The following IPP variants were observed in gnomAD, a reference collection of about 807,000 sequenced individuals.
IPP encodes actin-binding protein IPP.
Under a neutral mutation model 64.1 loss-of-function variants are expected in IPP, and 41 were observed. The observed-to-expected ratio is 0.64, with a 90% CI of 0.50 to 0.83. The LOEUF is 0.83. IPP is among the 40% of genes least tolerant of loss of function. The pLI, the probability that IPP is intolerant of heterozygous loss-of-function variation, is 0.00. For missense variants in IPP, 649 were observed against 703.0 expected (o/e 0.92, Z 0.87); for synonymous variants, 214 against 235.2 (o/e 0.91, Z 0.83).
At chr1:45,700,961 A>C (rs1464235039) in intron 8 of IPP, among the ~76,000 whole-genome samples, 3 of 152,234 alleles carry the variant, frequency 2.0e-5, no homozygotes, top group African/African-American at 7.2e-5. Context: ...AATTTATTTG[A>C]CCATGGAATC....
At chr1:45,728,126 C>CTGTGCGTGTG (rs1553191664) in intron 4 of IPP, among the ~76,000 whole-genome samples, 1 of 132,234 alleles carries the variant, frequency 7.6e-6, no homozygotes, top group African/African-American at 2.8e-5. Flanking sequence ...GAGTTGAAAG[C>CTGTGCGTGTG]TGTGTGTGTG....
chr1:45,696,572 G>A (rs1645389845), downstream of IPP, among the ~76,000 whole-genome samples: 1 of 152,184 alleles, frequency 6.6e-6, no homozygotes, highest in African/African-American at 2.4e-5. Context: ...CCTGAGGTCG[G>A]GAGTTCGAGT....
chr1:45,736,909 G>A (rs1446668465), intron 3 of IPP, among the ~76,000 whole-genome samples: 1 of 151,930 alleles, frequency 6.6e-6, no homozygotes, highest in Non-Finnish European at 1.5e-5. Context: ...CGGGCGTGGT[G>A]GCGGGCGCCC....
intron 1 of IPP, among the ~76,000 whole-genome samples, chr1:45,749,208 G>C (rs1646182177): frequency 6.6e-6 from 1 of 152,186 alleles, no homozygotes; most frequent in South Asian, 2.1e-4. Flanking sequence ...CTACAAGAAA[G>C]AGTTGACTGA....
chr1:45,720,247 G>C (rs2148561553), intron 5 of IPP, among the ~76,000 whole-genome samples: 1 of 152,018 alleles, frequency 6.6e-6, no homozygotes, highest in East Asian at 1.9e-4. Context: ...AGGTAATTTA[G>C]AATTTTAAAA....
intron 3 of IPP, among the ~76,000 whole-genome samples, chr1:45,735,621 A>ATTTTT (rs1160000550): frequency 2.4e-4 from 14 of 57,466 alleles, no homozygotes; most frequent in Admixed American, 4.8e-4. Context: ...AGACCTGGCT[A>ATTTTT]TTTTTTTTTT....
chr1:45,747,834 C>CAAAAAAAAAAAAAAAA, intron 1 of IPP, among the ~76,000 whole-genome samples: 1 of 39,280 alleles, frequency 2.5e-5, no homozygotes, highest in Non-Finnish European at 4.4e-5. Flanking sequence ...GACTCTGTCT[C>CAAAAAAAAAAAAAAAA]AAAAAAAAAA....
At chr1:45,721,408 G>A (rs536346062) in intron 5 of IPP, among the ~76,000 whole-genome samples, 51 of 152,258 alleles carry the variant, frequency 3.3e-4, no homozygotes, top group African/African-American at 1.2e-3. Context: ...AAAAACCTTG[G>A]GCACTATGTC....
chr1:45,717,069 T>C (rs1436563907), intron 6 of IPP, 52 bp from the exon 7 acceptor site: 60 of 1,563,578 alleles, frequency 3.8e-5, no homozygotes, highest in Non-Finnish European at 4.9e-5. Flanking sequence ...TTCTTATTTA[T>C]GACAAAGACC....
chr1:45,704,801 A>C (rs1461667529), intron 8 of IPP, among the ~76,000 whole-genome samples: 12 of 152,222 alleles, frequency 7.9e-5, no homozygotes, highest in Non-Finnish European at 8.8e-5. Flanking sequence ...AGACTAGCTG[A>C]AACAGGGAAG....
chr1:45,724,575 A>C (rs1480124953), intron 5 of IPP, among the ~76,000 whole-genome samples: 2 of 148,428 alleles, frequency 1.3e-5, no homozygotes, highest in African/African-American at 5.0e-5. Flanking sequence ...GGAAGTGAGG[A>C]GCGTCTCTGC....
At position 45,700,013 on chromosome 1, in the gene IPP, C is replaced by T; in HGVS notation, c.1708G>A (p.Gly570Ser). The T allele has an allele frequency of 6.2e-7, 1 of 1,614,076 alleles. No individual in the cohort carries two copies. The highest frequency in any genetic ancestry group is 1.3e-5 in the African/African-American group (1 of 75,008). Reference protein sequence around the residue: ...NPHSDTWTEIGNMITSRCEGG... With the variant: ...NPHSDTWTEISNMITSRCEGG... ...TCACAACGACTGGTGATCATGTTAC[C>T]AATTTCTGTCCATGTATCTGAATGA... The change falls in exon 9 of 9, where the codon GGT becomes AGT. Residue 570 changes from glycine (G) to serine (S), a missense_variant. Transcript: ENST00000396478.
rs574441812 is a variant in IPP, at chr1:45,722,042, C to T, written c.1049-2702G>A. Among the ~76,000 whole-genome samples the T allele has an allele frequency of 4.1e-4, 62 of 152,184 alleles. 1 individual carries two copies. The South Asian group carries it at 6.2e-3, about 15-fold the overall frequency. ...CGAGATCACGCCACTGCACTACAGC[C>T]TGGCACAGAGTGAGACTCCGTTTCA... On this transcript the variant is annotated intron_variant, in intron 5 of 8. Transcript: ENST00000396478.
chr1:45,714,713 T>C (rs1344043280), intron 7 of IPP, among the ~76,000 whole-genome samples: 4 of 152,194 alleles, frequency 2.6e-5, no homozygotes, highest in Non-Finnish European at 5.9e-5. Context: ...ATCTGTCAGC[T>C]AAGGATTTTC....
chr1:45,743,636 G>C (rs1315775283), intron 2 of IPP, among the ~76,000 whole-genome samples: 1 of 152,090 alleles, frequency 6.6e-6, no homozygotes, highest in Non-Finnish European at 1.5e-5. Flanking sequence ...AGGATAGCTT[G>C]AGCCCTGGAG....
At chr1:45,731,134 G>T (rs1174035828) in intron 3 of IPP, among the ~76,000 whole-genome samples, 4 of 152,218 alleles carry the variant, frequency 2.6e-5, no homozygotes, top group African/African-American at 9.6e-5. Flanking sequence ...CCACCCTCAT[G>T]CCTCAGGCTA....
At chr1:45,723,967 T>TCCCCCC (rs1645766776) in intron 5 of IPP, among the ~76,000 whole-genome samples, 1 of 139,360 alleles carries the variant, frequency 7.2e-6, no homozygotes, top group Non-Finnish European at 1.6e-5. Context: ...TTCCTCTCCC[T>TCCCCCC]CTCCCCCTCC....
chr1:45,725,077 CCCCCGCCCGGCCAGCCG>C (rs1645796753), intron 5 of IPP, among the ~76,000 whole-genome samples: 2 of 146,498 alleles, frequency 1.4e-5, no homozygotes, highest in African/African-American at 5.0e-5. Context: ...GGGGGTCAGC[CCCCCGCCCGGCCAGCCG>C]CCCCGTCCGG....
chr1:45,726,329 A>G (rs905286395), intron 5 of IPP, among the ~76,000 whole-genome samples: 1 of 151,984 alleles, frequency 6.6e-6, no homozygotes, highest in Non-Finnish European at 1.5e-5. Flanking sequence ...GTGGTGGTAC[A>G]TGCCTGTAAT....
Sources: gnomAD v4.1 joint callset for allele counts (sites outside exome capture counted in the v4.1 genomes callset) on GRCh38, gnomAD v4.1.1 for gene constraint, MANE v1.5 for transcripts, NCBI Gene and HGNC (gene_info 2026-07-23, HGNC 2026-07-21) for gene names.